DRC5: variants seen among roughly 807,000 people sequenced by gnomAD.
DRC5 encodes T-complex-associated testis-expressed protein 1.
the DRC5 span, chr6:44,287,545 T>G: frequency 6.2e-7 from 1 of 1,601,834 alleles, no homozygotes; most frequent in Non-Finnish European, 8.5e-7. Flanking sequence ...AGGGACAGAC[T>G]CACTCTGGAA....
chr6:44,292,708 G>A, the DRC5 span, among the ~76,000 whole-genome samples: 1 of 115,776 alleles, frequency 8.6e-6, no homozygotes, highest in African/African-American at 2.6e-5. Context: ...ATTTGTCCAA[G>A]TGGAGGGAGA....
chr6:44,282,587 A>C, the DRC5 span: 2 of 1,542,620 alleles, frequency 1.3e-6, no homozygotes, highest in African/African-American at 2.7e-5. Flanking sequence ...GTCTACAGCA[A>C]CTGCCAGCCA....
the DRC5 span, among the ~76,000 whole-genome samples, chr6:44,291,892 C>T: frequency 6.6e-6 from 1 of 152,166 alleles, no homozygotes; most frequent in African/African-American, 2.4e-5. Context: ...AGTCACCTCT[C>T]TCTCTTTCAG....
At chr6:44,293,946 T>C in the DRC5 span, among the ~76,000 whole-genome samples, 4 of 152,370 alleles carry the variant, frequency 2.6e-5, no homozygotes, top group East Asian at 5.8e-4. Context: ...AACAAAAGCA[T>C]AGTAAATCAT....
At chr6:44,291,951 C>A in the DRC5 span, among the ~76,000 whole-genome samples, 1 of 151,972 alleles carries the variant, frequency 6.6e-6, no homozygotes, top group African/African-American at 2.4e-5. Flanking sequence ...TTTTGTCTCC[C>A]ACCCAGGCAG....
chr6:44,292,197 G>A, the DRC5 span, among the ~76,000 whole-genome samples: 1 of 152,156 alleles, frequency 6.6e-6, no homozygotes, highest in Non-Finnish European at 1.5e-5. Flanking sequence ...CACCTTGTTG[G>A]AAATAAGCTC....
the DRC5 span, chr6:44,282,017 A>G: frequency 2.4e-6 from 3 of 1,225,428 alleles, no homozygotes; most frequent in South Asian, 2.9e-5. Flanking sequence ...AGTATGTAGT[A>G]TGTAAACTCT....
the DRC5 span, chr6:44,285,978 A>G: frequency 6.2e-7 from 1 of 1,613,560 alleles, no homozygotes; most frequent in African/African-American, 1.3e-5. Context: ...AGGGTGTGGC[A>G]TGCCTTGATG....
the DRC5 span, among the ~76,000 whole-genome samples, chr6:44,292,638 G>C: frequency 1.3e-5 from 2 of 152,206 alleles, no homozygotes. Flanking sequence ...GTGTCTATTG[G>C]TCAGGGCAAC....
the DRC5 span, chr6:44,287,868 C>T: frequency 6.3e-7 from 1 of 1,584,054 alleles, no homozygotes; most frequent in African/African-American, 1.3e-5. Context: ...CCTGGATGGC[C>T]TTATGACAAG....
At chr6:44,282,015 G>A in the DRC5 span, 68 of 1,184,346 alleles carry the variant, frequency 5.7e-5, no homozygotes, top group African/African-American at 7.4e-4. Context: ...GCAGTATGTA[G>A]TATGTAAACT....
chr6:44,289,891 C>T, the DRC5 span, among the ~76,000 whole-genome samples: 9 of 152,174 alleles, frequency 5.9e-5, no homozygotes, highest in African/African-American at 1.7e-4. Flanking sequence ...TGCACCCTCA[C>T]GACTCAGTGC....
At chr6:44,289,234 A>C in the DRC5 span, among the ~76,000 whole-genome samples, 1 of 151,368 alleles carries the variant, frequency 6.6e-6, no homozygotes, top group Non-Finnish European at 1.5e-5. Flanking sequence ...ACGGGGTTTC[A>C]CCATGTTGGC....
chr6:44,281,061 G>A, the DRC5 span, among the ~76,000 whole-genome samples: 7 of 152,190 alleles, frequency 4.6e-5, no homozygotes, highest in African/African-American at 1.2e-4. Context: ...GTGTGTGTGC[G>A]TGTATGTGCC....
At chr6:44,289,594 C>T in the DRC5 span, among the ~76,000 whole-genome samples, 2 of 152,264 alleles carry the variant, frequency 1.3e-5, no homozygotes, top group African/African-American at 4.8e-5. Context: ...CTCCTTCCCA[C>T]TGAGAGCTCA....
the DRC5 span, among the ~76,000 whole-genome samples, chr6:44,296,785 G>A: frequency 6.6e-6 from 1 of 152,146 alleles, no homozygotes; most frequent in Non-Finnish European, 1.5e-5. Flanking sequence ...ATCCCCTCAG[G>A]AGAGCCCTCC....
the DRC5 span, chr6:44,287,690 G>A: frequency 1.2e-6 from 2 of 1,614,204 alleles, no homozygotes; most frequent in Non-Finnish European, 1.7e-6. Flanking sequence ...GACTTTGCAG[G>A]GACTGGTGTG....
the DRC5 span, chr6:44,279,370 TTTTTGTCGTGGA>T: frequency 6.6e-6 from 1 of 152,264 alleles, no homozygotes. Context: ...CACTGTGGCC[TTTTTGTCGTGGA>T]TTTAAGCGCA....
the DRC5 span, among the ~76,000 whole-genome samples, chr6:44,297,247 G>A: frequency 6.6e-6 from 1 of 152,230 alleles, no homozygotes; most frequent in African/African-American, 2.4e-5. Context: ...ACCCGCGGGA[G>A]GGATTACAGC....
Sources: allele counts gnomAD v4.1 joint callset (sites outside exome capture counted in the v4.1 genomes callset), GRCh38; gene constraint gnomAD v4.1.1; transcripts MANE v1.5; gene names NCBI Gene and HGNC (gene_info 2026-07-23, HGNC 2026-07-21).